PARD3: variants seen among roughly 807,000 people sequenced by gnomAD.
The protein encoded by PARD3 is par-3 family cell polarity regulator.
PARD3 carries 75 observed loss-of-function variants against 155.4 expected under a neutral mutation model. The ratio of observed to expected loss-of-function variants is 0.48; its 90% CI spans 0.40 to 0.58. The LOEUF is 0.58. Ranked by LOEUF, PARD3 falls within the 20% of genes least tolerant of loss-of-function variation. The pLI is 0.00. For missense variants in PARD3, 1,642 were observed against 1,721.7 expected, an observed-to-expected ratio of 0.95 and a Z score of 0.82; for synonymous variants, 576 against 610.5, an observed-to-expected ratio of 0.94 and a Z score of 0.83.
intron 22 of PARD3, among the ~76,000 whole-genome samples, chr10:34,185,701 A>T (rs1398226599): frequency 6.6e-6 from 1 of 151,920 alleles, no homozygotes; most frequent in Non-Finnish European, 1.5e-5. Flanking sequence ...GGCAGTGCCC[A>T]CACCTCCTAC....
intron 4 of PARD3, among the ~76,000 whole-genome samples, chr10:34,455,950 C>G (rs1432573642): frequency 6.6e-6 from 1 of 152,200 alleles, no homozygotes; most frequent in Non-Finnish European, 1.5e-5. Flanking sequence ...AGCACATAAT[C>G]AGCACTGGTA....
chr10:34,228,394 C>A (rs1396962863), intron 22 of PARD3, among the ~76,000 whole-genome samples: 1 of 151,830 alleles, frequency 6.6e-6, no homozygotes, highest in Middle Eastern at 3.2e-3. Context: ...ACCCCCGAAC[C>A]AAAACATAAA....
At chr10:34,184,210 A>G (rs1950388023) in intron 22 of PARD3, among the ~76,000 whole-genome samples, 1 of 152,204 alleles carries the variant, frequency 6.6e-6, no homozygotes, top group South Asian at 2.1e-4. Context: ...GAAAATGAAG[A>G]GGCGAACAAC....
chr10:34,479,304 G>A (rs918638526), intron 3 of PARD3, among the ~76,000 whole-genome samples: 2 of 151,792 alleles, frequency 1.3e-5, no homozygotes, highest in Admixed American at 1.3e-4. Context: ...TGGGACTACA[G>A]GCGCCTGCCA....
chr10:34,747,348 C>A (rs1303873005), intron 1 of PARD3, among the ~76,000 whole-genome samples: 1 of 152,126 alleles, frequency 6.6e-6, no homozygotes, highest in Non-Finnish European at 1.5e-5. Flanking sequence ...ATTCGTTTTC[C>A]ATGTGGAAAT....
intron 12 of PARD3, among the ~76,000 whole-genome samples, chr10:34,362,175 T>A (rs920840828): frequency 1.6e-4 from 24 of 152,142 alleles, no homozygotes; most frequent in African/African-American, 4.6e-4. Flanking sequence ...GGCGGGCACC[T>A]GTAGTCCCAG....
intron 22 of PARD3, among the ~76,000 whole-genome samples, chr10:34,167,644 A>G (rs1360950601): frequency 6.6e-6 from 1 of 152,190 alleles, no homozygotes; most frequent in East Asian, 1.9e-4. Flanking sequence ...ATGAGAACGC[A>G]TATGGAAAGC....
intron 2 of PARD3, among the ~76,000 whole-genome samples, chr10:34,639,230 T>C (rs1039779281): frequency 2.0e-5 from 3 of 152,006 alleles, no homozygotes; most frequent in African/African-American, 4.8e-5. Context: ...ACCCCATCTC[T>C]ACTAAAAATA....
At chr10:34,386,828 A>C (rs1337146489) in intron 7 of PARD3, among the ~76,000 whole-genome samples, 1 of 152,128 alleles carries the variant, frequency 6.6e-6, no homozygotes, top group East Asian at 1.9e-4. Flanking sequence ...AAAAAAAAAA[A>C]AAAAAGAATT....
In PARD3 at chr10:34,702,122, G is replaced by A. The variant is rs188471316; in HGVS notation, c.121-5703C>T. Among the ~76,000 whole-genome samples the A allele has an allele frequency of 3.0e-3, 450 of 151,766 alleles. 1 individual carries two copies. Among genetic ancestry groups the A allele is most frequent in the Non-Finnish European group, 4.0e-3 (271 of 67,932 alleles). On this transcript the variant is annotated intron_variant, in intron 1 of 24. Transcript: ENST00000374788. The stretch of plus-strand genomic sequence containing the variant: ...AGAGGTTGCAGTGAGCTGAGATTGC[G>A]CCACTGCACTCCAGCCTGGGCAACA...
chr10:34,470,534 T>C (rs943380312), intron 3 of PARD3, among the ~76,000 whole-genome samples: 4 of 152,180 alleles, frequency 2.6e-5, no homozygotes, highest in Admixed American at 6.5e-5. Context: ...CCTGGCCAGG[T>C]TGCCTAACTG....
intron 2 of PARD3, among the ~76,000 whole-genome samples, chr10:34,695,645 A>T (rs1379778377): frequency 6.6e-6 from 1 of 152,152 alleles, no homozygotes. Flanking sequence ...ACTGAAGAGC[A>T]GTAGGTGGAT....
chr10:34,202,565 C>T (rs1951268626), intron 22 of PARD3, among the ~76,000 whole-genome samples: 1 of 152,166 alleles, frequency 6.6e-6, no homozygotes, highest in Non-Finnish European at 1.5e-5. Context: ...AGTGACTTCA[C>T]CACATCACAC....
intron 22 of PARD3, among the ~76,000 whole-genome samples, chr10:34,241,137 T>G (rs1953563297): frequency 6.6e-6 from 1 of 152,142 alleles, no homozygotes; most frequent in Non-Finnish European, 1.5e-5. Flanking sequence ...AGAGGGACCA[T>G]GCGCTTGAGA....
chr10:34,139,903 G>GAT (rs1948093503), intron 22 of PARD3, among the ~76,000 whole-genome samples: 3 of 152,162 alleles, frequency 2.0e-5, no homozygotes, highest in Admixed American at 2.0e-4. Flanking sequence ...CAGAGAGGCA[G>GAT]GTAAACAACC....
At chr10:34,119,517 A>G in intron 24 of PARD3, 96 bp downstream of exon 24, 1 of 1,258,308 alleles carries the variant, frequency 7.9e-7, no homozygotes, top group Non-Finnish European at 1.1e-6. Flanking sequence ...GGCAAGCTGG[A>G]GAGGCCCCAG....
At chr10:34,716,890 C>G (rs2094529956) in intron 1 of PARD3, among the ~76,000 whole-genome samples, 1 of 152,074 alleles carries the variant, frequency 6.6e-6, no homozygotes, top group Non-Finnish European at 1.5e-5. Flanking sequence ...CTGCACCCAG[C>G]CTCAGGATGG....
chr10:34,458,224 A>T (rs1030561334), intron 4 of PARD3, among the ~76,000 whole-genome samples: 15 of 151,838 alleles, frequency 9.9e-5, no homozygotes, highest in African/African-American at 3.4e-4. Flanking sequence ...TTTTGGGGAG[A>T]CAGGGTCTCA....
At chr10:34,317,041 A>T in intron 20 of PARD3, 66 bp downstream of exon 20, 10 of 1,429,736 alleles carry the variant, frequency 7.0e-6, no homozygotes, top group Non-Finnish European at 9.3e-6. Context: ...AGTTTTTAGT[A>T]CTTTTTGCTA....
Sources: allele counts gnomAD v4.1 joint callset (sites outside exome capture counted in the v4.1 genomes callset), GRCh38; gene constraint gnomAD v4.1.1; transcripts MANE v1.5; gene names NCBI Gene and HGNC (gene_info 2026-07-23, HGNC 2026-07-21).